The following STPG4 variants were observed in gnomAD, a reference collection of about 807,000 sequenced individuals.
STPG4 encodes the protein protein STPG4.
A neutral mutation model predicts 31.5 loss-of-function variants in STPG4; 41 were observed. The ratio of observed to expected loss-of-function variants is 1.30; its 90% CI spans 1.01 to 1.69. The LOEUF is 1.69. Among genes scored for constraint, STPG4 ranks in the 40% most tolerant of loss-of-function variants. STPG4 has a pLI of 0.00. For missense variants in STPG4, 375 were observed against 293.4 expected, an observed-to-expected ratio of 1.28 and a Z score of -2.03; for synonymous variants, 141 against 103.0, an observed-to-expected ratio of 1.37 and a Z score of -2.24.
chr2:47,090,777 G>C (rs1435424147), intron 5 of STPG4, among the ~76,000 whole-genome samples: 7 of 152,180 alleles, frequency 4.6e-5, no homozygotes, highest in Admixed American at 6.5e-5. Flanking sequence ...TTATAAAAAT[G>C]CTTATTCTTT....
chr2:47,138,710 C>A (rs533709001), intron 3 of STPG4, among the ~76,000 whole-genome samples: 1 of 152,284 alleles, frequency 6.6e-6, no homozygotes, highest in East Asian at 1.9e-4. Flanking sequence ...CCACCACACC[C>A]AGCTAATTTT....
chr2:47,087,692 C>G (rs894642362), intron 6 of STPG4, among the ~76,000 whole-genome samples: 7 of 152,144 alleles, frequency 4.6e-5, no homozygotes, highest in African/African-American at 1.7e-4. Context: ...TCCACGAGTT[C>G]TAATTTTTAA....
At chr2:47,144,685 T>C (rs1686781681) in intron 3 of STPG4, among the ~76,000 whole-genome samples, 1 of 152,106 alleles carries the variant, frequency 6.6e-6, no homozygotes. Flanking sequence ...TGCTGACCAC[T>C]AGAAATGAAA....
At chr2:47,124,932 A>C (rs541591027) in intron 5 of STPG4, among the ~76,000 whole-genome samples, 55 of 152,290 alleles carry the variant, frequency 3.6e-4, no homozygotes, top group African/African-American at 1.3e-3. Context: ...GCCAGCATTC[A>C]CTATTGCCTG....
chr2:47,155,275 T>A lies in STPG4; in HGVS notation c.-24A>T. ...ATGGTGGCCTCCTCTCTCTCTAGGC[T>A]GAACCTGAGCTCCGGTTGCTAGGAG... On this transcript the variant is annotated 5_prime_UTR_variant, in exon 1 of 7. Coordinates refer to ENST00000445927, the MANE Select transcript of STPG4 (RefSeq NM_001163561.2). The A allele has an allele frequency of 6.2e-7, 1 of 1,613,246 alleles. No homozygotes were observed.
At chr2:47,095,475 G>A (rs145086048) in intron 5 of STPG4, among the ~76,000 whole-genome samples, 2 of 152,284 alleles carry the variant, frequency 1.3e-5, no homozygotes, top group African/African-American at 4.8e-5. Flanking sequence ...AACCCACACT[G>A]CCAACACCTT....
intron 3 of STPG4, among the ~76,000 whole-genome samples, chr2:47,133,769 G>C (rs1315842210): frequency 6.6e-6 from 1 of 151,696 alleles, no homozygotes; most frequent in Non-Finnish European, 1.5e-5. Flanking sequence ...TAGAGACAGG[G>C]CTTCTCCATG....
In STPG4 at chr2:47,091,111, G is replaced by A. The variant is rs558370000; in HGVS notation, c.520-737C>T. Among the ~76,000 whole-genome samples, 297 of 131,194 alleles carry A rather than the reference G, an allele frequency of 2.3e-3. 11 individuals are homozygous for A. The South Asian group carries it at 0.074, about 33-fold the overall frequency. 86.1% of individuals were successfully genotyped at this position (131,194 alleles called of 152,430 possible). On this transcript the variant is annotated intron_variant, in intron 5 of 6. Coordinates refer to ENST00000445927, the MANE Select transcript of STPG4 (RefSeq NM_001163561.2). ...GTTAAGAAAGAACAGAGAGAGGAAG[G>A]AAGAAAGGGAGGGAGAAAAGGAAGG... is the stretch of plus-strand genomic sequence containing the variant.
At chr2:47,102,106 C>T (rs903484915) in intron 5 of STPG4, among the ~76,000 whole-genome samples, 4 of 151,758 alleles carry the variant, frequency 2.6e-5, no homozygotes, top group Admixed American at 2.6e-4. Flanking sequence ...GTTTCTGCTG[C>T]TGCGTCGGTG....
intron 5 of STPG4, among the ~76,000 whole-genome samples, chr2:47,098,757 GAA>G (rs5830939): frequency 1.6e-3 from 218 of 139,820 alleles, no homozygotes; most frequent in African/African-American, 4.8e-3. Context: ...CTCAAAAGAG[GAA>G]AAAAAAAAAA....
chr2:47,142,859 T>TTG (rs1686742437), intron 3 of STPG4, among the ~76,000 whole-genome samples: 1 of 149,138 alleles, frequency 6.7e-6, no homozygotes, highest in African/African-American at 2.5e-5. Flanking sequence ...TTTTTTTTTT[T>TTG]TGAGACAGAG....
At chr2:47,114,311 C>T (rs1686102198) in intron 5 of STPG4, among the ~76,000 whole-genome samples, 1 of 151,932 alleles carries the variant, frequency 6.6e-6, no homozygotes, top group Admixed American at 6.6e-5. Flanking sequence ...TCGAGACCAG[C>T]CTGGCCAACA....
At chr2:47,155,070 G>T in intron 1 of STPG4, 101 bp downstream of exon 1, 1 of 1,106,066 alleles carries the variant, frequency 9.0e-7, no homozygotes, top group Non-Finnish European at 1.4e-6. Context: ...AAGAGGGAAC[G>T]AGAGCGGCAC....
At chr2:47,104,545 T>G (rs1222063054) in intron 5 of STPG4, among the ~76,000 whole-genome samples, 1 of 152,006 alleles carries the variant, frequency 6.6e-6, no homozygotes, top group Non-Finnish European at 1.5e-5. Context: ...TCCCCTGCAT[T>G]CTGACTCCCA....
chr2:47,110,176 C>T (rs78543358), intron 5 of STPG4, among the ~76,000 whole-genome samples: 3,954 of 152,196 alleles, frequency 0.026, 182 homozygotes, highest in African/African-American at 0.09. Flanking sequence ...AAACATCATA[C>T]GAATGACTGA....
At chr2:47,090,605 G>A (rs950983776) in intron 5 of STPG4, among the ~76,000 whole-genome samples, 3 of 152,130 alleles carry the variant, frequency 2.0e-5, no homozygotes, top group Non-Finnish European at 4.4e-5. Flanking sequence ...AGGAACGTTA[G>A]GTGAGCAGTA....
At chr2:47,142,579 A>G (rs1686736958) in intron 3 of STPG4, among the ~76,000 whole-genome samples, 1 of 152,186 alleles carries the variant, frequency 6.6e-6, no homozygotes, top group African/African-American at 2.4e-5. Flanking sequence ...ATTGAAAACA[A>G]TATCAACAGA....
chr2:47,092,694 T>C (rs1685595308), intron 5 of STPG4, among the ~76,000 whole-genome samples: 2 of 151,358 alleles, frequency 1.3e-5, no homozygotes, highest in African/African-American at 2.4e-5. Flanking sequence ...AAGGTCATAA[T>C]AGGGACATGT....
intron 5 of STPG4, among the ~76,000 whole-genome samples, chr2:47,100,380 C>T (rs1685769391): frequency 6.7e-6 from 1 of 149,442 alleles, no homozygotes; most frequent in Non-Finnish European, 1.5e-5. Flanking sequence ...CCTTGGAGAA[C>T]CTTTGTGTCA....
Sources: gnomAD v4.1 joint callset for allele counts (sites outside exome capture counted in the v4.1 genomes callset) on GRCh38, gnomAD v4.1.1 for gene constraint, MANE v1.5 for transcripts, NCBI Gene and HGNC (gene_info 2026-07-23, HGNC 2026-07-21) for gene names.